Variants in ARL15 observed in about 807,000 individuals in gnomAD.
ARL15 encodes the protein ARF like GTPase 15, also known as ADP-ribosylation factor-like protein 15.
In ARL15, 19 loss-of-function variants were observed where a neutral mutation model predicts 25.2. The observed-to-expected ratio is 0.75, with a 90% CI of 0.53 to 1.10. The LOEUF (loss-of-function observed/expected upper bound fraction) is 1.10, where lower values mean the gene tolerates loss of function less well. Among genes scored for constraint, ARL15 ranks in the 50% least tolerant of loss-of-function variants. The pLI is 0.00. For missense variants in ARL15, 220 were observed against 246.0 expected (o/e 0.89, Z 0.71); for synonymous variants, 94 against 86.8 (o/e 1.08, Z -0.46).
chr5:54,124,922 G>A (rs1481747647), intron 3 of ARL15, among the ~76,000 whole-genome samples: 1 of 152,170 alleles, frequency 6.6e-6, no homozygotes, highest in Non-Finnish European at 1.5e-5. Flanking sequence ...GACCCCTGGT[G>A]TAATCTCCCC....
chr5:53,990,108 G>A (rs1272376215), intron 4 of ARL15, among the ~76,000 whole-genome samples: 1 of 151,940 alleles, frequency 6.6e-6, no homozygotes, highest in East Asian at 1.9e-4. Context: ...CACGCCTGTG[G>A]TCCCAGCTAC....
intron 3 of ARL15, among the ~76,000 whole-genome samples, chr5:54,125,634 G>A (rs1298122457): frequency 6.6e-6 from 1 of 152,132 alleles, no homozygotes; most frequent in South Asian, 2.1e-4. Context: ...ATGAATATTG[G>A]TGCACAAGTT....
At chr5:54,082,984 G>C (rs891208927) in intron 4 of ARL15, among the ~76,000 whole-genome samples, 1 of 152,142 alleles carries the variant, frequency 6.6e-6, no homozygotes, top group Non-Finnish European at 1.5e-5. Context: ...TGAAAAGACA[G>C]ATGAGGCCTA....
At chr5:54,252,885 C>CT (rs1477172362) in intron 1 of ARL15, among the ~76,000 whole-genome samples, 2 of 152,018 alleles carry the variant, frequency 1.3e-5, no homozygotes, top group African/African-American at 4.8e-5. Context: ...ACCACCATGC[C>CT]TGGAATGTTT....
At chr5:54,112,805 GGAACAA>G (rs1561228332) in intron 4 of ARL15, among the ~76,000 whole-genome samples, 1 of 152,128 alleles carries the variant, frequency 6.6e-6, no homozygotes, top group Non-Finnish European at 1.5e-5. Context: ...ACACTTCAGA[GGAACAA>G]GAACATGACA....
chr5:53,947,184 GT>G (rs1746775185), intron 4 of ARL15, among the ~76,000 whole-genome samples: 1 of 144,736 alleles, frequency 6.9e-6, no homozygotes, highest in Non-Finnish European at 1.5e-5. Flanking sequence ...GTGTGTGTGT[GT>G]GTGTGTGTGT....
At chr5:54,240,650 A>G (rs564267077) in intron 1 of ARL15, among the ~76,000 whole-genome samples, 18 of 152,252 alleles carry the variant, frequency 1.2e-4, no homozygotes, top group African/African-American at 1.9e-4. Flanking sequence ...CAGGCACTCA[A>G]AAAACTGGGT....
At chr5:54,007,622 G>C (rs6889847) in intron 4 of ARL15, among the ~76,000 whole-genome samples, 42,058 of 151,998 alleles carry the variant, frequency 0.28, 6,059 homozygotes, top group East Asian at 0.46. Context: ...GCCTGGGCAA[G>C]GTGGTAAAAC....
At chr5:54,249,087 C>T (rs1757170456) in intron 1 of ARL15, among the ~76,000 whole-genome samples, 1 of 151,734 alleles carries the variant, frequency 6.6e-6, no homozygotes, top group Non-Finnish European at 1.5e-5. Context: ...GAAAAGAAGC[C>T]AGTGGAGGAA....
chr5:54,103,215 T>C (rs2112184667), intron 4 of ARL15, among the ~76,000 whole-genome samples: 1 of 152,282 alleles, frequency 6.6e-6, no homozygotes, highest in East Asian at 1.9e-4. Context: ...ATCTTGGAAT[T>C]TCTACTAAAG....
At chr5:53,996,173 T>C (rs1160263694) in intron 4 of ARL15, among the ~76,000 whole-genome samples, 1 of 152,182 alleles carries the variant, frequency 6.6e-6, no homozygotes, top group Non-Finnish European at 1.5e-5. Context: ...TAAACTCAGC[T>C]CTGCCGCCTA....
At chr5:54,114,533 A>G (rs1219200319) in intron 3 of ARL15, among the ~76,000 whole-genome samples, 2 of 152,090 alleles carry the variant, frequency 1.3e-5, no homozygotes, top group African/African-American at 4.8e-5. Context: ...TGGAATAATG[A>G]AAATTGAGGG....
At position 54,063,933 on chromosome 5, in the gene ARL15, C is replaced by T. The variant is rs550844592; in HGVS notation, c.462+49269G>A. On this transcript the variant is annotated intron_variant, in intron 4 of 4. Coordinates refer to ENST00000504924, the MANE Select transcript of ARL15 (RefSeq NM_019087.3). ...CCTTCTGATTCTGAGCTGCAGCATTCCCACTCTGACCACATCATTTTTAGC... is the reference window on the plus strand; with the variant it reads ...CCTTCTGATTCTGAGCTGCAGCATTTCCACTCTGACCACATCATTTTTAGC... 1.7e-3 allele frequency among the ~76,000 whole-genome samples: 255 copies of T among 152,244 alleles called. 1 individual carries two copies. Among genetic ancestry groups the T allele is most frequent in the Middle Eastern group, 3.4e-3 (1 of 294 alleles).
intron 1 of ARL15, among the ~76,000 whole-genome samples, chr5:54,236,407 G>GAC (rs72439978): frequency 0.13 from 17,926 of 140,590 alleles, 1,047 homozygotes; most frequent in Non-Finnish European, 0.14. Flanking sequence ...ACTAAACACA[G>GAC]ACACACACAC....
chr5:54,182,889 G>T (rs1012836532), intron 1 of ARL15, among the ~76,000 whole-genome samples: 22 of 150,624 alleles, frequency 1.5e-4, no homozygotes, highest in African/African-American at 4.8e-4. Flanking sequence ...GGATTCCTAG[G>T]TATTTTATTC....
At chr5:54,063,972 C>T (rs1014093411) in intron 4 of ARL15, among the ~76,000 whole-genome samples, 14 of 152,138 alleles carry the variant, frequency 9.2e-5, no homozygotes, top group African/African-American at 3.1e-4. Context: ...TTTCTTAGGG[C>T]ACAAAGAGGA....
chr5:54,168,720 CTT>C (rs1754644017), intron 2 of ARL15, among the ~76,000 whole-genome samples: 1 of 152,138 alleles, frequency 6.6e-6, no homozygotes, highest in Non-Finnish European at 1.5e-5. Context: ...TTCCTCTCTG[CTT>C]AGACCTTACC....
intron 4 of ARL15, among the ~76,000 whole-genome samples, chr5:54,026,932 T>C (rs575521389): frequency 6.6e-6 from 1 of 152,284 alleles, no homozygotes; most frequent in South Asian, 2.1e-4. Flanking sequence ...GTGTGACCAC[T>C]TGATGCAAAG....
intron 1 of ARL15, among the ~76,000 whole-genome samples, chr5:54,292,894 C>A (rs1758369642): frequency 6.6e-6 from 1 of 152,170 alleles, no homozygotes; most frequent in Admixed American, 6.5e-5. Flanking sequence ...TAAGCCAGTC[C>A]TTTTCCAACT....
Sources: allele counts gnomAD v4.1 joint callset (sites outside exome capture counted in the v4.1 genomes callset), GRCh38; gene constraint gnomAD v4.1.1; transcripts MANE v1.5; gene names NCBI Gene and HGNC (gene_info 2026-07-23, HGNC 2026-07-21).